The following UNC13D variants were observed in gnomAD, a reference collection of about 807,000 sequenced individuals.
UNC13D encodes the protein protein unc-13 homolog D.
In UNC13D, 115 loss-of-function variants were observed where a neutral mutation model predicts 151.7. The observed-to-expected ratio is 0.76, with a 90% confidence interval of 0.65 to 0.88. UNC13D has a LOEUF of 0.88. Ranked by LOEUF, UNC13D falls within the 40% of genes least tolerant of loss-of-function variation. The pLI, the probability that UNC13D is intolerant of heterozygous loss-of-function variation, is 0.00. For missense variants in UNC13D, 1,369 were observed against 1,438.7 expected (o/e 0.95, Z 0.78); for synonymous variants, 588 against 612.2 (o/e 0.96, Z 0.58).
In UNC13D at chr17:75,844,118, C is replaced by G; in HGVS notation, c.117+103G>C. 4 of 1,530,678 alleles carry G rather than the reference C, an allele frequency of 2.6e-6. No homozygotes were observed. The South Asian group carries it at 4.5e-5, about 17-fold the overall frequency. 94.8% of individuals were successfully genotyped at this position (1,530,678 alleles called of 1,614,324 possible). On this transcript the variant is annotated intron_variant, in intron 1 of 31. Transcript: ENST00000207549. ...GTAGGCAGGGGAGGGTCGCTGGTCC[C>G]CAGTCCCAGCCTTCGAGAGGTGGGG... is the stretch of plus-strand genomic sequence containing the variant.
chr17:75,835,766 C>T lies in UNC13D; in HGVS notation c.1608G>A (p.Arg536=). The T allele has an allele frequency of 1.2e-6, 2 of 1,613,938 alleles. No homozygotes were observed. Among genetic ancestry groups the T allele is most frequent in the Non-Finnish European group, 1.7e-6 (2 of 1,180,040 alleles). ...FRELQWLVAK[R]VQDHTTVVGD... is the part of the protein sequence containing the mutation. Reference sequence around the variant, plus strand: ...CCACAACCGTCGTGTGGTCCTGCACCCGCTTGGCCACCTGCAAAGGAAAGG... The same window carrying T: ...CCACAACCGTCGTGTGGTCCTGCACTCGCTTGGCCACCTGCAAAGGAAAGG... The change falls in exon 19 of 32, where the codon CGG becomes CGA. Residue 536 remains arginine, a synonymous_variant. Transcript: ENST00000207549.
chr17:75,842,752 G>C (rs1431474314), intron 5 of UNC13D, 105 bp downstream of exon 5: 2 of 1,591,516 alleles, frequency 1.3e-6, no homozygotes, highest in Non-Finnish European at 1.7e-6. Flanking sequence ...CAGCGCTACA[G>C]GGCTTCTTGG....
At chr17:75,844,155 G>A in intron 1 of UNC13D, 66 bp downstream of exon 1, 1 of 1,582,706 alleles carries the variant, frequency 6.3e-7, no homozygotes, top group South Asian at 1.1e-5. Context: ...CAGACAGCAG[G>A]GCACCCGTAC....
Position 75,835,755 on chromosome 17 carries a change from T to C in UNC13D, c.1619A>G (p.His540Arg). 1 of 1,613,888 alleles carries C rather than the reference T, an allele frequency of 6.2e-7. No individual in the cohort carries two copies. The highest frequency in any genetic ancestry group is 2.2e-5 in the East Asian group (1 of 44,876). The change falls in exon 19 of 32, where the codon CAC (histidine) becomes CGC (arginine). Residue 540 changes from histidine (H) to arginine (R), a missense_variant. Physicochemically the swap from His to Arg is conservative, Grantham distance 29. This residue lies in a region of UNC13D where 807 missense variants were observed against 795.5 expected (regional missense o/e 1.01). Transcript: ENST00000207549. ...QWLVAKRVQDHTTVVGDVVSP... is the reference protein window; with the variant it reads ...QWLVAKRVQDRTTVVGDVVSP... Reference sequence around the variant, plus strand: ...CACTACATCACCCACAACCGTCGTGTGGTCCTGCACCCGCTTGGCCACCTG... The same window carrying C: ...CACTACATCACCCACAACCGTCGTGCGGTCCTGCACCCGCTTGGCCACCTG...
At chr17:75,843,712 C>T (rs556335042) in intron 1 of UNC13D, 193 bp from the exon 2 acceptor site, 1 of 1,452,538 alleles carries the variant, frequency 6.9e-7, no homozygotes, top group Non-Finnish European at 9.1e-7. Flanking sequence ...CCCGCCGTGG[C>T]TGAGGTCCAT....
rs777113713 is a variant in UNC13D at position 75,842,860 on chromosome 17, T to C, written c.385A>G (p.Ser129Gly). The stretch of plus-strand genomic sequence containing the variant: ...GGGGACCCCACCCCATGCTCACCAC[T>C]GACATCTTTGCCCAGAATGCCCTTG... ...QAKGILGKDV[S>G]GFSDPYCLLG... Residue 129 changes from serine to glycine, a missense_variant, in exon 5 of 32, where the codon AGT becomes GGT. Physicochemically the swap from Ser to Gly is moderately conservative, Grantham distance 56. Coordinates refer to ENST00000207549, the MANE Select transcript of UNC13D (RefSeq NM_199242.3). The C allele has an allele frequency of 6.2e-7, 1 of 1,613,372 alleles. No individual in the cohort carries two copies. Among genetic ancestry groups the C allele is most frequent in the Non-Finnish European group, 8.5e-7 (1 of 1,179,902 alleles).
At chr17:75,828,463 G>C (rs2062139052) in intron 31 of UNC13D, among the ~76,000 whole-genome samples, 1 of 152,224 alleles carries the variant, frequency 6.6e-6, no homozygotes, top group Admixed American at 6.5e-5. Context: ...AAAGTGCTTA[G>C]CACTTGCTCA....
chr17:75,834,147 G>A lies in UNC13D; in HGVS notation c.2299-4C>T, dbSNP rs372824969. The A allele has an allele frequency of 1.2e-6, 2 of 1,613,618 alleles. No individual in the cohort carries two copies. The highest frequency in any genetic ancestry group is 1.3e-5 in the African/African-American group (1 of 74,940). ...GCTTGGCGATGCCCACCTCCAACTGGAGACACAAAACGGAAGAAGGAGGGA... is the reference window on the plus strand; with the variant it reads ...GCTTGGCGATGCCCACCTCCAACTGAAGACACAAAACGGAAGAAGGAGGGA... On this transcript the variant is annotated splice_polypyrimidine_tract_variant and splice_region_variant and intron_variant, in intron 23 of 31. Coordinates refer to ENST00000207549, the MANE Select transcript of UNC13D (RefSeq NM_199242.3).
chr17:75,827,295 C>T lies in UNC13D; in HGVS notation c.*670G>A. The T allele has an allele frequency of 3.5e-6, 2 of 576,358 alleles. No individual in the cohort carries two copies. The highest frequency in any genetic ancestry group is 7.5e-5 in the Admixed American group (2 of 26,692). The allele number at this position is 576,358 out of a possible 1,614,324, so 35.7% of individuals were successfully genotyped here. On this transcript the variant is annotated 3_prime_UTR_variant, in exon 32 of 32. Coordinates refer to ENST00000207549, the MANE Select transcript of UNC13D (RefSeq NM_199242.3). The stretch of plus-strand genomic sequence containing the variant: ...AAAGTTTCTAGGTGGCAGGTGCTGT[C>T]CGGGGAGGGGGCGTGCGCAGCAGAC...
rs544529644 is a variant in UNC13D, at chr17:75,838,407, C to G, written c.1055+1432G>C. On this transcript the variant is annotated intron_variant, in intron 12 of 31. Coordinates refer to ENST00000207549, the MANE Select transcript of UNC13D (RefSeq NM_199242.3). ...CTAATTTTTCTATATTTTGTAGAGA[C>G]AGGATTTCACCATGTTGGCCAGGCT... Among the ~76,000 whole-genome samples the G allele has an allele frequency of 2.6e-5, 4 of 151,974 alleles. No homozygotes were observed. The South Asian group carries it at 8.3e-4, about 32-fold the overall frequency.
In UNC13D at chr17:75,843,490, G is replaced by A. The variant is rs749672259; in HGVS notation, c.147C>T (p.Pro49=). ...EIQPPSHHFS[P]EQRALLYEDA... is the part of the protein sequence containing the mutation. ...CCAGCACTCTGACTCTTACCTGCTC[G>A]GGGGAGAAGTGGTGGGATGGAGGCT... The change falls in exon 2 of 32, where the codon CCC becomes CCT. Residue 49 remains proline (P), a synonymous_variant. Coordinates refer to ENST00000207549, the MANE Select transcript of UNC13D (RefSeq NM_199242.3). 2.0e-5 allele frequency: 32 copies of A among 1,610,526 alleles called. No homozygotes were observed. The highest frequency in any genetic ancestry group is 2.5e-5 in the Non-Finnish European group (30 of 1,179,024).
chr17:75,840,582 T>A lies in UNC13D; in HGVS notation c.684-6A>T, dbSNP rs768190208. ...TCCGGGCCTCTTTAAAGATCCTGCG[T>A]CAGGCAGGGTCCCATAAGGGGGACG... On this transcript the variant is annotated splice_polypyrimidine_tract_variant and splice_region_variant and intron_variant, in intron 8 of 31. Coordinates refer to ENST00000207549, the MANE Select transcript of UNC13D (RefSeq NM_199242.3). This position sits in a 1 kb window ranked among gnomAD's most constrained non-coding sequence, Gnocchi z 4.6. The A allele has an allele frequency of 3.7e-6, 6 of 1,613,898 alleles. No homozygotes were observed. The South Asian group carries it at 5.5e-5, about 15-fold the overall frequency.
Position 75,827,926 on chromosome 17 carries a change from T to C in UNC13D, c.*39A>G, listed in dbSNP as rs772886702. 5.0e-6 allele frequency: 8 copies of C among 1,601,112 alleles called. No individual in the cohort carries two copies. In the South Asian group the frequency reaches 8.9e-5, roughly 18 times the overall value. ...GACCCTACAGGAAAGCCCTTGCAAG[T>C]CCCCACCGGGGACCCAGCCCCACCG... is the stretch of plus-strand genomic sequence containing the variant. On this transcript the variant is annotated 3_prime_UTR_variant, in exon 32 of 32. Coordinates refer to ENST00000207549, the MANE Select transcript of UNC13D (RefSeq NM_199242.3).
At chr17:75,838,993 G>A (rs7216512) in intron 12 of UNC13D, among the ~76,000 whole-genome samples, 69,004 of 151,954 alleles carry the variant, frequency 0.45, 19,117 homozygotes, top group African/African-American at 0.79. Flanking sequence ...CCAGCTACTC[G>A]GGAGGCTGAG....
chr17:75,840,221 C>A lies in UNC13D; in HGVS notation c.858+4G>T. On this transcript the variant is annotated splice_donor_region_variant and intron_variant, in intron 10 of 31. Transcript: ENST00000207549. This position sits in a 1 kb window ranked among gnomAD's most constrained non-coding sequence, Gnocchi z 4.6. ...CATGGCCACTGGCCCAGTACCCGACCTACCCGCTTATGGATGAGTTGGAAC... is the reference window on the plus strand; with the variant it reads ...CATGGCCACTGGCCCAGTACCCGACATACCCGCTTATGGATGAGTTGGAAC... 6.2e-7 allele frequency: 1 copy of A among 1,613,964 alleles called. No individual in the cohort carries two copies. The highest frequency in any genetic ancestry group is 8.5e-7 in the Non-Finnish European group (1 of 1,180,014).
chr17:75,839,983 A>G (rs762177574), intron 11 of UNC13D, 35 bp downstream of exon 11: 2 of 1,613,346 alleles, frequency 1.2e-6, no homozygotes, highest in African/African-American at 2.7e-5. Context: ...CCTGAAGGGC[A>G]GCCCCGGCTG....
rs529106644 is a variant in UNC13D at position 75,828,013 on chromosome 17, C to A, written c.3225G>T (p.Arg1075=). ...GCTGGGAGGCCTGCTTGGCCCGGTGCCGCCGCAGCCTCACAAAGACCTGGG... is the reference window on the plus strand; with the variant it reads ...GCTGGGAGGCCTGCTTGGCCCGGTGACGCCGCAGCCTCACAAAGACCTGGG... The part of the protein sequence containing the change: ...REAQVFVRLR[R]HRAKQASQHA... The change falls in exon 32 of 32, where the codon CGG becomes CGT. Residue 1075 remains arginine (R), a synonymous_variant. Coordinates refer to ENST00000207549, the MANE Select transcript of UNC13D (RefSeq NM_199242.3). 1 of 1,594,214 alleles carries A rather than the reference C, an allele frequency of 6.3e-7. No homozygotes were observed. The highest frequency in any genetic ancestry group is 1.3e-5 in the African/African-American group (1 of 74,580).
rs750974136 is a variant in UNC13D, at chr17:75,828,863, C to G, written c.3075G>C (p.Val1025=). 8.1e-6 allele frequency: 13 copies of G among 1,597,760 alleles called. No individual in the cohort carries two copies. The African/African-American group carries it at 1.7e-4, about 21-fold the overall frequency. Residue 1025 remains valine (V), a synonymous_variant, in exon 31 of 32, where the codon GTG becomes GTC. Transcript: ENST00000207549. ...EGEAFLPLRE[V]PGLSGSEEPG... Reference sequence around the variant, plus strand: ...GCTCCTCAGAGCCACTCAGCCCGGGCACCTCACGCAGCGGCAGGAAGGCCT... The same window carrying G: ...GCTCCTCAGAGCCACTCAGCCCGGGGACCTCACGCAGCGGCAGGAAGGCCT...
intron 1 of UNC13D, 164 bp downstream of exon 1, chr17:75,844,057 T>A: frequency 6.9e-7 from 1 of 1,455,562 alleles, no homozygotes; most frequent in South Asian, 1.3e-5. Flanking sequence ...TGGCAGCCCC[T>A]GCTCTGCTGG....
Sources: gnomAD v4.1 joint callset for allele counts (sites outside exome capture counted in the v4.1 genomes callset) on GRCh38, gnomAD v4.1.1 for gene constraint, gnomAD v4.1.1 regional missense constraint, Gnocchi (gnomAD v3.1) non-coding constraint, MANE v1.5 for transcripts, NCBI Gene and HGNC (gene_info 2026-07-23, HGNC 2026-07-21) for gene names.